The following DYM variants were observed in gnomAD, a reference collection of about 807,000 sequenced individuals.
DYM encodes the protein dyggve-Melchior-Clausen syndrome protein.
A neutral mutation model predicts 93.1 loss-of-function variants in DYM; 78 were observed. That is an observed-to-expected ratio of 0.84 (90% confidence interval 0.70 to 1.01). The LOEUF (loss-of-function observed/expected upper bound fraction) is 1.01, where lower values mean the gene tolerates loss of function less well. Among genes scored for constraint, DYM ranks in the 50% least tolerant of loss-of-function variants. The pLI, the probability that DYM is intolerant of heterozygous loss-of-function variation, is 0.00. For synonymous variants in DYM, 321 were observed against 319.7 expected, an observed-to-expected ratio of 1.00 and a Z score of -0.04; for missense variants, 789 against 845.0, an observed-to-expected ratio of 0.93 and a Z score of 0.82.
intron 16 of DYM, among the ~76,000 whole-genome samples, chr18:49,098,774 TCA>T (rs2079821893): frequency 6.6e-6 from 1 of 152,210 alleles, no homozygotes; most frequent in African/African-American, 2.4e-5. Flanking sequence ...AATATTTTGT[TCA>T]CAGAGTTTAG....
intron 13 of DYM, among the ~76,000 whole-genome samples, chr18:49,236,487 A>AATAAAT (rs1555652860): frequency 2.0e-5 from 3 of 149,224 alleles, no homozygotes; most frequent in Admixed American, 1.4e-4. Context: ...CTCAAAAAAA[A>AATAAAT]AAATAAATAA....
At chr18:49,185,679 G>A (rs1400852706) in intron 14 of DYM, among the ~76,000 whole-genome samples, 1 of 152,204 alleles carries the variant, frequency 6.6e-6, no homozygotes, top group African/African-American at 2.4e-5. Flanking sequence ...ACATGTGAGT[G>A]CTTAGCATGT....
At chr18:49,391,722 A>G in intron 2 of DYM, 77 bp from the exon 3 acceptor site, 1 of 1,261,154 alleles carries the variant, frequency 7.9e-7, no homozygotes, top group Non-Finnish European at 1.1e-6. Flanking sequence ...AAAGAAATAT[A>G]TAAAGATAAG....
At chr18:49,248,987 G>A (rs551972248) in intron 13 of DYM, among the ~76,000 whole-genome samples, 1 of 152,180 alleles carries the variant, frequency 6.6e-6, no homozygotes, top group Non-Finnish European at 1.5e-5. Context: ...TGGAATCAGG[G>A]CTAGGGGAAA....
At chr18:49,115,966 A>G (rs2145931588) in intron 16 of DYM, 1 of 152,320 alleles carries the variant, frequency 6.6e-6, no homozygotes, top group South Asian at 2.1e-4. Flanking sequence ...GACCCTTCAA[A>G]TGACAGCTCA....
At chr18:49,450,493 T>C (rs985800753) in intron 1 of DYM, among the ~76,000 whole-genome samples, 12 of 152,252 alleles carry the variant, frequency 7.9e-5, no homozygotes, top group African/African-American at 2.4e-4. Context: ...TTCTATTTCA[T>C]AACATCAAGT....
chr18:49,441,327 TA>T (rs1443421030), intron 1 of DYM, among the ~76,000 whole-genome samples: 13 of 68,902 alleles, frequency 1.9e-4, no homozygotes, highest in South Asian at 3.9e-4. Flanking sequence ...TAATTATATA[TA>T]ATATAATTAT....
intron 14 of DYM, among the ~76,000 whole-genome samples, chr18:49,176,549 A>G (rs2089399131): frequency 6.6e-6 from 1 of 151,008 alleles, no homozygotes; most frequent in Admixed American, 6.6e-5. Flanking sequence ...TAGCTGGGAC[A>G]ACAGGCACGT....
intron 13 of DYM, among the ~76,000 whole-genome samples, chr18:49,240,488 T>A (rs561478225): frequency 1.3e-5 from 2 of 152,322 alleles, no homozygotes; most frequent in Non-Finnish European, 2.9e-5. Flanking sequence ...ATTATGCAGA[T>A]CTTCCAAATG....
rs1258952278 is a variant in DYM at position 49,399,054 on chromosome 18, T to C, written c.141-7409A>G. 2.0e-5 allele frequency among the ~76,000 whole-genome samples: 3 copies of C among 152,356 alleles called. No homozygotes were observed. In the East Asian group the frequency reaches 5.8e-4, roughly 29 times the overall value. On this transcript the variant is annotated intron_variant, in intron 2 of 17. Coordinates refer to ENST00000675505, the MANE Select transcript of DYM (RefSeq NM_001353214.3). ...TCTTCGAAGCTGCTAAATTTGTTCA[T>C]CAGCAAATAGTGCTTGGGTGCCTAG...
intron 2 of DYM, among the ~76,000 whole-genome samples, chr18:49,427,904 A>G (rs1057195386): frequency 3.3e-5 from 5 of 152,144 alleles, no homozygotes; most frequent in Non-Finnish European, 7.4e-5. Flanking sequence ...CCTGGGCAAC[A>G]TGGCAAGACC....
chr18:49,141,093 C>G lies in DYM; in HGVS notation c.1729-22167G>C, dbSNP rs79583888. On this transcript the variant is annotated intron_variant, in intron 15 of 17. Coordinates refer to ENST00000675505, the MANE Select transcript of DYM (RefSeq NM_001353214.3). The stretch of plus-strand genomic sequence containing the variant: ...CAGCTTCTGAAGGTTGGAGGTCTCT[C>G]AGAGCTCTGGATTATCCCTCTTTCC... Among the ~76,000 whole-genome samples the G allele has an allele frequency of 1.9e-4, 29 of 152,342 alleles. No homozygotes were observed. In the East Asian group the frequency reaches 5.2e-3, roughly 27 times the overall value.
In DYM at chr18:49,129,926, C is replaced by A. The variant is rs367592328; in HGVS notation, c.1729-11000G>T. On this transcript the variant is annotated intron_variant, in intron 15 of 17. Transcript: ENST00000675505. Reference sequence around the variant, plus strand: ...GAACAAGAGGTAGGAAGCTCTCTCACCTCCAGGACATAGATAAAGATCCAA... The same window carrying A: ...GAACAAGAGGTAGGAAGCTCTCTCAACTCCAGGACATAGATAAAGATCCAA... Among the ~76,000 whole-genome samples the A allele has an allele frequency of 1.6e-4, 24 of 152,278 alleles. No homozygotes were observed. The South Asian group carries it at 5.0e-3, about 32-fold the overall frequency.
chr18:49,421,311 C>T (rs2073680441), intron 2 of DYM, among the ~76,000 whole-genome samples: 1 of 152,152 alleles, frequency 6.6e-6, no homozygotes, highest in Admixed American at 6.5e-5. Context: ...TCCAGAGGAA[C>T]AATCAGGCAG....
chr18:49,338,623 TATACA>T, intron 6 of DYM, among the ~76,000 whole-genome samples: 1 of 152,252 alleles, frequency 6.6e-6, no homozygotes, highest in East Asian at 1.9e-4. Flanking sequence ...ATGGAAATAA[TATACA>T]ATAAAGATTA....
intron 13 of DYM, among the ~76,000 whole-genome samples, chr18:49,246,517 T>C (rs78397867): frequency 0.077 from 11,711 of 151,742 alleles, 734 homozygotes; most frequent in East Asian, 0.31. Context: ...TTCTCTCTGT[T>C]CTGGGAAAAA....
chr18:49,192,149 T>C (rs1442101665), intron 14 of DYM, among the ~76,000 whole-genome samples: 1 of 149,310 alleles, frequency 6.7e-6, no homozygotes, highest in Non-Finnish European at 1.5e-5. Context: ...TAAGCTGGTC[T>C]TGAACTCCTG....
At chr18:49,405,908 T>C (rs2071441141) in intron 2 of DYM, among the ~76,000 whole-genome samples, 1 of 152,214 alleles carries the variant, frequency 6.6e-6, no homozygotes, top group South Asian at 2.1e-4. Flanking sequence ...CTTTCAGCAG[T>C]GTTTTATTGT....
chr18:49,331,958 G>T lies in DYM; in HGVS notation c.669C>A (p.Ile223=). 6.2e-7 allele frequency: 1 copy of T among 1,613,970 alleles called. No homozygotes were observed. Among genetic ancestry groups the T allele is most frequent in the South Asian group, 1.1e-5 (1 of 91,088 alleles). ...KLVKTLLYNF[I]RQEKPPPPGA... ...CTGGAGGAGGTGGCTTTTCTTGTCT[G>T]ATAAAGTTATATAATAAGGTCTTCA... The change falls in exon 8 of 18, where the codon ATC becomes ATA. Residue 223 remains isoleucine, a synonymous_variant. Transcript: ENST00000675505.
Sources: allele counts gnomAD v4.1 joint callset (sites outside exome capture counted in the v4.1 genomes callset), GRCh38; gene constraint gnomAD v4.1.1; transcripts MANE v1.5; gene names NCBI Gene and HGNC (gene_info 2026-07-23, HGNC 2026-07-21).